The following NKAIN2 variants were observed in gnomAD, a reference collection of about 807,000 sequenced individuals.
NKAIN2 encodes sodium/potassium-transporting ATPase subunit beta-1-interacting protein 2.
A neutral mutation model predicts 32.6 loss-of-function variants in NKAIN2; 14 were observed. The ratio of observed to expected loss-of-function variants is 0.43; its 90% CI spans 0.28 to 0.67. The LOEUF is 0.67. Among genes scored for constraint, NKAIN2 ranks in the 30% least tolerant of loss-of-function variants. The pLI is 0.17. For synonymous variants in NKAIN2, 80 were observed against 87.2 expected, an observed-to-expected ratio of 0.92 and a Z score of 0.46; for missense variants, 198 against 258.3, an observed-to-expected ratio of 0.77 and a Z score of 1.60.
At chr6:124,164,952 T>G (rs923683133) in intron 1 of NKAIN2, among the ~76,000 whole-genome samples, 10 of 152,136 alleles carry the variant, frequency 6.6e-5, no homozygotes, top group Admixed American at 6.6e-4. Context: ...GAGCCATAAC[T>G]TGATTGTTCA....
At chr6:124,676,351 T>C (rs1773355345) in intron 4 of NKAIN2, among the ~76,000 whole-genome samples, 1 of 152,162 alleles carries the variant, frequency 6.6e-6, no homozygotes, top group South Asian at 2.1e-4. Flanking sequence ...TTTGTCTATA[T>C]TGTTGTTCTA....
At chr6:124,089,366 T>G (rs1784324746) in intron 1 of NKAIN2, among the ~76,000 whole-genome samples, 1 of 151,812 alleles carries the variant, frequency 6.6e-6, no homozygotes, top group South Asian at 2.1e-4. Flanking sequence ...ATCTGAGAAT[T>G]CCTGCTGGCA....
At chr6:124,333,261 A>C (rs566556524) in intron 2 of NKAIN2, among the ~76,000 whole-genome samples, 2 of 152,278 alleles carry the variant, frequency 1.3e-5, no homozygotes, top group South Asian at 4.1e-4. Flanking sequence ...CCTGTTGCTA[A>C]ATAACAAAGT....
intron 3 of NKAIN2, among the ~76,000 whole-genome samples, chr6:124,596,522 A>G (rs569787748): frequency 1.3e-5 from 2 of 152,268 alleles, no homozygotes; most frequent in East Asian, 1.9e-4. Flanking sequence ...TCGATACATA[A>G]TAAGTGAAAT....
At chr6:124,818,693 A>G (rs950676426) in intron 6 of NKAIN2, among the ~76,000 whole-genome samples, 8 of 152,088 alleles carry the variant, frequency 5.3e-5, no homozygotes, top group Non-Finnish European at 1.0e-4. Flanking sequence ...TTAGTCTTAC[A>G]TAAGTATCAC....
chr6:124,150,132 A>G (rs908860239), intron 1 of NKAIN2, among the ~76,000 whole-genome samples: 20 of 152,074 alleles, frequency 1.3e-4, no homozygotes, highest in Admixed American at 1.3e-3. Context: ...GCTCTGCAGA[A>G]CCTTCCGACC....
chr6:124,018,027 G>A (rs186131990), intron 1 of NKAIN2, among the ~76,000 whole-genome samples: 4 of 152,286 alleles, frequency 2.6e-5, no homozygotes, highest in South Asian at 2.1e-4. Flanking sequence ...ACCTCTGCCT[G>A]GACATTTAGG....
intron 1 of NKAIN2, among the ~76,000 whole-genome samples, chr6:124,000,109 A>G (rs1037309290): frequency 6.6e-6 from 1 of 152,126 alleles, no homozygotes; most frequent in Admixed American, 6.6e-5. Flanking sequence ...TCTGTTCTTA[A>G]CATTTCATCG....
intron 3 of NKAIN2, among the ~76,000 whole-genome samples, chr6:124,490,652 T>C (rs1777827761): frequency 6.6e-6 from 1 of 151,798 alleles, no homozygotes; most frequent in Non-Finnish European, 1.5e-5. Flanking sequence ...ATTTTTCTTA[T>C]CACTGAATAT....
chr6:124,592,776 T>A (rs1263195644), intron 3 of NKAIN2, among the ~76,000 whole-genome samples: 1 of 152,208 alleles, frequency 6.6e-6, no homozygotes, highest in Non-Finnish European at 1.5e-5. Flanking sequence ...AAATTAGGCA[T>A]GATCCTCTGC....
intron 1 of NKAIN2, among the ~76,000 whole-genome samples, chr6:124,276,356 T>C (rs1283996494): frequency 6.6e-6 from 1 of 151,772 alleles, no homozygotes. Context: ...TGTACACATA[T>C]ATACACATGC....
At position 124,115,159 on chromosome 6, in the gene NKAIN2, C is replaced by T. The variant is rs141096224; in HGVS notation, c.55-167846C>T. On this transcript the variant is annotated intron_variant, in intron 1 of 6. Transcript: ENST00000368417. ...ATGCATCAGGGAAATAATTATTTAA[C>T]GTTAGGCTATATATATGGAATTTAA... Among the ~76,000 whole-genome samples, 573 of 152,138 alleles carry T rather than the reference C, an allele frequency of 3.8e-3. 3 individuals carry two copies. Among genetic ancestry groups the T allele is most frequent in the African/African-American group, 0.013 (534 of 41,526 alleles).
At chr6:124,310,648 T>C (rs563316264) in intron 2 of NKAIN2, among the ~76,000 whole-genome samples, 1 of 152,248 alleles carries the variant, frequency 6.6e-6, no homozygotes, top group Admixed American at 6.5e-5. Context: ...CATTCAGAAA[T>C]TAACTGAAAG....
intron 1 of NKAIN2, among the ~76,000 whole-genome samples, chr6:124,269,437 CTTT>C (rs1794648570): frequency 1.9e-5 from 1 of 53,410 alleles, no homozygotes; most frequent in Non-Finnish European, 3.1e-5. Flanking sequence ...TTTTTCTTTT[CTTT>C]CTTTCTTTCT....
In NKAIN2 at chr6:124,823,548, A is replaced by G. The variant is rs924352012; in HGVS notation, c.*319A>G. 8 of 305,056 alleles carry G rather than the reference A, an allele frequency of 2.6e-5. No homozygotes were observed. The highest frequency in any genetic ancestry group is 1.0e-3 in the Middle Eastern group (1 of 978). The allele number at this position is 305,056 out of a possible 1,614,324, so 18.9% of individuals were successfully genotyped here. A position where few individuals can be genotyped will look rare whatever the true frequency, so the allele number is the denominator to read the frequency against. On this transcript the variant is annotated 3_prime_UTR_variant, in exon 7 of 7. Coordinates refer to ENST00000368417, the MANE Select transcript of NKAIN2 (RefSeq NM_001040214.3). Reference sequence around the variant, plus strand: ...TCAGAAGGAGATGTGTTGATGCCCAACGGTTGCCGGCCATTGCTAACTCCT... The same window carrying G: ...TCAGAAGGAGATGTGTTGATGCCCAGCGGTTGCCGGCCATTGCTAACTCCT...
At chr6:124,421,843 G>A (rs332599) in intron 3 of NKAIN2, among the ~76,000 whole-genome samples, 32 of 152,124 alleles carry the variant, frequency 2.1e-4, no homozygotes, top group Non-Finnish European at 4.0e-4. Flanking sequence ...GTTCTTTCTC[G>A]CGGGAAACGT....
intron 1 of NKAIN2, among the ~76,000 whole-genome samples, chr6:123,911,053 G>A (rs936782589): frequency 2.6e-5 from 4 of 152,006 alleles, no homozygotes; most frequent in Non-Finnish European, 5.9e-5. Flanking sequence ...ATGTTGATCA[G>A]ACTTTTACCT....
chr6:123,859,798 C>T (rs1775710291), intron 1 of NKAIN2, among the ~76,000 whole-genome samples: 1 of 152,184 alleles, frequency 6.6e-6, no homozygotes, highest in African/African-American at 2.4e-5. Context: ...TCAAGTGATT[C>T]CCCTACTTCA....
chr6:124,388,560 G>C (rs1009809389), intron 3 of NKAIN2, among the ~76,000 whole-genome samples: 9 of 151,970 alleles, frequency 5.9e-5, no homozygotes, highest in African/African-American at 1.7e-4. Flanking sequence ...TATTTGTAAT[G>C]CAGACCTCCT....
Sources: allele counts gnomAD v4.1 joint callset (sites outside exome capture counted in the v4.1 genomes callset), GRCh38; gene constraint gnomAD v4.1.1; transcripts MANE v1.5; gene names NCBI Gene and HGNC (gene_info 2026-07-23, HGNC 2026-07-21).